Variants in PPP2R3A observed in about 807,000 individuals in gnomAD.
PPP2R3A encodes the protein protein phosphatase 2 regulatory subunit B''alpha, also known as serine/threonine-protein phosphatase 2A regulatory subunit B'' subunit alpha.
A neutral mutation model predicts 106.9 loss-of-function variants in PPP2R3A; 80 were observed. That is an observed-to-expected ratio of 0.75 (90% CI 0.62 to 0.90). PPP2R3A has a LOEUF of 0.90. PPP2R3A is among the 40% of genes least tolerant of loss of function. PPP2R3A has a pLI of 0.00. For synonymous variants in PPP2R3A, 483 were observed against 468.3 expected (o/e 1.03, Z -0.41); for missense variants, 1,386 against 1,350.4 (o/e 1.03, Z -0.41).
intron 12 of PPP2R3A, among the ~76,000 whole-genome samples, chr3:136,104,325 T>TGA (rs1937459312): frequency 1.4e-5 from 2 of 147,376 alleles, no homozygotes; most frequent in African/African-American, 4.9e-5. Flanking sequence ...TGTGTGTGTG[T>TGA]GACAGAGTTT....
At chr3:136,025,127 G>C (rs1288338990) in intron 2 of PPP2R3A, among the ~76,000 whole-genome samples, 1 of 152,108 alleles carries the variant, frequency 6.6e-6, no homozygotes, top group Non-Finnish European at 1.5e-5. Flanking sequence ...TTACATGATA[G>C]ATGGATCTCT....
At chr3:136,022,006 A>G (rs1934482374) in intron 2 of PPP2R3A, among the ~76,000 whole-genome samples, 1 of 152,084 alleles carries the variant, frequency 6.6e-6, no homozygotes, top group Admixed American at 6.6e-5. Flanking sequence ...GGGTCCTGGA[A>G]CCAATCCCCA....
intron 5 of PPP2R3A, among the ~76,000 whole-genome samples, chr3:136,062,542 C>T (rs534693103): frequency 1.3e-5 from 2 of 152,116 alleles, no homozygotes; most frequent in Admixed American, 6.5e-5. Flanking sequence ...CACTGTGAAA[C>T]CCCGTCTCCA....
intron 1 of PPP2R3A, among the ~76,000 whole-genome samples, chr3:135,979,286 G>T (rs1211335913): frequency 6.6e-6 from 1 of 151,466 alleles, no homozygotes; most frequent in Non-Finnish European, 1.5e-5. Flanking sequence ...GGCTGAGGTA[G>T]AAGAATCACT....
At chr3:136,061,926 CAAAAAAAA>C (rs369373163) in intron 5 of PPP2R3A, among the ~76,000 whole-genome samples, 2 of 84,164 alleles carry the variant, frequency 2.4e-5, no homozygotes, top group Non-Finnish European at 4.9e-5. Flanking sequence ...GACTCTATCT[CAAAAAAAA>C]AAAAAAAAAA....
chr3:136,015,264 A>G (rs988387985), intron 2 of PPP2R3A, among the ~76,000 whole-genome samples: 1 of 152,128 alleles, frequency 6.6e-6, no homozygotes, highest in African/African-American at 2.4e-5. Context: ...TATGTTCACC[A>G]GAGATATTGG....
chr3:136,072,775 G>A (rs1022044580), intron 6 of PPP2R3A, among the ~76,000 whole-genome samples: 1 of 152,152 alleles, frequency 6.6e-6, no homozygotes, highest in African/African-American at 2.4e-5. Flanking sequence ...CAAACTGTTG[G>A]CATGTATTCT....
intron 13 of PPP2R3A, among the ~76,000 whole-genome samples, chr3:136,136,424 C>G (rs533396943): frequency 1.5e-4 from 23 of 152,150 alleles, no homozygotes; most frequent in African/African-American, 5.3e-4. Flanking sequence ...CCCTTCACTC[C>G]TAGGGCACAT....
chr3:136,143,006 G>A (rs985254605), intron 13 of PPP2R3A, among the ~76,000 whole-genome samples: 4 of 152,164 alleles, frequency 2.6e-5, no homozygotes, highest in African/African-American at 9.7e-5. Flanking sequence ...TCCTTATCCA[G>A]CACATCCCAT....
intron 2 of PPP2R3A, among the ~76,000 whole-genome samples, chr3:136,022,353 A>G (rs1481762579): frequency 6.6e-6 from 1 of 152,302 alleles, no homozygotes; most frequent in East Asian, 1.9e-4. Context: ...TTTTGCTTTA[A>G]AAAATTTTAC....
At chr3:136,086,971 G>A (rs1936952698) in intron 8 of PPP2R3A, among the ~76,000 whole-genome samples, 2 of 152,150 alleles carry the variant, frequency 1.3e-5, no homozygotes, top group Non-Finnish European at 2.9e-5. Flanking sequence ...GGAGGCTGAG[G>A]TGGGCAGATC....
chr3:136,078,895 T>A (rs1177424416), intron 7 of PPP2R3A, among the ~76,000 whole-genome samples: 1 of 152,318 alleles, frequency 6.6e-6, no homozygotes, highest in South Asian at 2.1e-4. Context: ...AAATTCCTTT[T>A]AAGAAAGAAT....
At position 136,020,044 on chromosome 3, in the gene PPP2R3A, G is replaced by A. The variant is rs528956590; in HGVS notation, c.1996-6788G>A. ...AGACCACATCTTTATCATCTCTCTA[G>A]CTTCATATCAAGCAAAGTGTCTGGC... On this transcript the variant is annotated intron_variant, in intron 2 of 13. Transcript: ENST00000264977. Among the ~76,000 whole-genome samples, 5 of 152,134 alleles carry A rather than the reference G, an allele frequency of 3.3e-5. No homozygotes were observed. The East Asian group carries it at 7.7e-4, about 24-fold the overall frequency.
At chr3:136,138,468 G>C (rs1258010547) in intron 13 of PPP2R3A, among the ~76,000 whole-genome samples, 4 of 152,178 alleles carry the variant, frequency 2.6e-5, no homozygotes, top group African/African-American at 9.7e-5. Flanking sequence ...GGACAGGAAA[G>C]CAAGTGGTAC....
chr3:135,995,447 A>ATTTTTTTTTTTTT (rs60359404), intron 1 of PPP2R3A, among the ~76,000 whole-genome samples: 2 of 87,306 alleles, frequency 2.3e-5, no homozygotes, highest in Non-Finnish European at 2.1e-5. Flanking sequence ...ACGTTGACAG[A>ATTTTTTTTTTTTT]TTTTTTTTTT....
At chr3:136,077,178 A>C (rs2107920971) in intron 6 of PPP2R3A, among the ~76,000 whole-genome samples, 1 of 152,202 alleles carries the variant, frequency 6.6e-6, no homozygotes, top group African/African-American at 2.4e-5. Flanking sequence ...TCAATTCTGT[A>C]GGGTCAGAGG....
intron 1 of PPP2R3A, among the ~76,000 whole-genome samples, chr3:135,973,934 A>G (rs1937321426): frequency 6.6e-6 from 1 of 152,090 alleles, no homozygotes; most frequent in Non-Finnish European, 1.5e-5. Flanking sequence ...CTTTTCCACC[A>G]GTCTCTCTTG....
chr3:136,061,901 T>G (rs1198633824), intron 5 of PPP2R3A, among the ~76,000 whole-genome samples: 1 of 121,016 alleles, frequency 8.3e-6, no homozygotes, highest in Non-Finnish European at 1.6e-5. Flanking sequence ...CACTCCAGCC[T>G]GGGCGACAGA....
chr3:135,977,824 C>T (rs547544738), intron 1 of PPP2R3A, among the ~76,000 whole-genome samples: 3 of 151,382 alleles, frequency 2.0e-5, no homozygotes, highest in South Asian at 4.2e-4. Flanking sequence ...CTCGGTCTCC[C>T]GAGTAGCTGT....
Sources: gnomAD v4.1 joint callset for allele counts (sites outside exome capture counted in the v4.1 genomes callset) on GRCh38, gnomAD v4.1.1 for gene constraint, MANE v1.5 for transcripts, NCBI Gene and HGNC (gene_info 2026-07-23, HGNC 2026-07-21) for gene names.